Variants in LYST observed in about 807,000 individuals in gnomAD.
LYST encodes lysosomal trafficking regulator.
In LYST, 192 loss-of-function variants were observed where a neutral mutation model predicts 413.6. The observed-to-expected ratio is 0.46, with a 90% CI of 0.41 to 0.52. The LOEUF is 0.52. LYST is among the 20% of genes least tolerant of loss of function. LYST has a pLI of 0.00. For missense variants in LYST, 3,815 were observed against 4,499.9 expected, an observed-to-expected ratio of 0.85 and a Z score of 4.35; for synonymous variants, 1,525 against 1,567.3, an observed-to-expected ratio of 0.97 and a Z score of 0.64.
At chr1:235,824,683 T>C (rs1261942090) in intron 3 of LYST, among the ~76,000 whole-genome samples, 3 of 152,240 alleles carry the variant, frequency 2.0e-5, no homozygotes, top group African/African-American at 7.2e-5. Context: ...TTTCTGTGTA[T>C]AATAAATTAT....
Position 235,664,586 on chromosome 1 carries a change from T to A in LYST, c.11074A>T (p.Asn3692Tyr), listed in dbSNP as rs755547580. The change falls in exon 51 of 53, where the codon AAC (asparagine) becomes TAC (tyrosine). Residue 3692 changes from asparagine (N) to tyrosine (Y), a missense_variant. Physicochemically the swap from Asn to Tyr is moderately radical, Grantham distance 143. This residue lies in a region of LYST where 866 missense variants were observed against 1,156.0 expected (regional missense o/e 0.75). Coordinates refer to ENST00000389793, the MANE Select transcript of LYST (RefSeq NM_000081.4). The surrounding 1 kb of genome is among the most constrained non-coding windows in gnomAD (Gnocchi z 4.5). ...TGGACATGTCCAACGAGATCCCCGT[T>A]CACCGTCCAGAGTCTGAGGTCACTG... ...GGSDLRLWTV[N>Y]GDLVGHVHCR... 2 of 1,614,124 alleles carry A rather than the reference T, an allele frequency of 1.2e-6. No individual in the cohort carries two copies. The highest frequency in any genetic ancestry group is 2.2e-5 in the South Asian group (2 of 91,084).
intron 3 of LYST, chr1:235,827,402 G>A (rs1267659499): frequency 9.2e-6 from 9 of 976,952 alleles, no homozygotes; most frequent in Middle Eastern, 5.2e-4. Context: ...TAAAGCAAAC[G>A]GACTACAGTT....
chr1:235,820,472 C>T (rs539553084), intron 3 of LYST, among the ~76,000 whole-genome samples: 7 of 151,842 alleles, frequency 4.6e-5, no homozygotes, highest in Non-Finnish European at 8.8e-5. Context: ...CAGGCTCAGG[C>T]GATCCTCCCG....
intron 36 of LYST, among the ~76,000 whole-genome samples, chr1:235,730,074 T>C (rs927417298): frequency 6.6e-6 from 1 of 151,832 alleles, no homozygotes; most frequent in Non-Finnish European, 1.5e-5. Context: ...TTTACATTAT[T>C]ATGAAGGTAA....
At chr1:235,878,036 T>C (rs1276625037) in intron 1 of LYST, among the ~76,000 whole-genome samples, 2 of 152,164 alleles carry the variant, frequency 1.3e-5, no homozygotes, top group African/African-American at 4.8e-5. Flanking sequence ...AAAGCACCTT[T>C]GAATTGGAAA....
chr1:235,758,952 G>A lies in LYST; in HGVS notation c.6881+20C>T, dbSNP rs367891645. The stretch of plus-strand genomic sequence containing the variant: ...ATAGTAAAATAAAGGTGGGAGGAGT[G>A]TACAAAAACACATAAGTACCTGTGA... On this transcript the variant is annotated intron_variant, in intron 23 of 52. Transcript: ENST00000389793. 2.5e-6 allele frequency: 4 copies of A among 1,612,852 alleles called. No individual in the cohort carries two copies. Among genetic ancestry groups the A allele is most frequent in the East Asian group, 2.2e-5 (1 of 44,810 alleles).
chr1:235,787,798 G>T (rs1248687556), intron 13 of LYST, among the ~76,000 whole-genome samples: 1 of 152,032 alleles, frequency 6.6e-6, no homozygotes, highest in Non-Finnish European at 1.5e-5. Context: ...TGTACATAAG[G>T]CACCTAGTAA....
chr1:235,775,126 T>G, intron 17 of LYST, 40 bp from the exon 18 acceptor site: 1 of 1,477,322 alleles, frequency 6.8e-7, no homozygotes, highest in Non-Finnish European at 9.4e-7. Context: ...TCTCCCAATT[T>G]GCTGAGAGTA....
intron 45 of LYST, among the ~76,000 whole-genome samples, chr1:235,701,606 C>T (rs759755122): frequency 6.6e-6 from 1 of 151,988 alleles, no homozygotes; most frequent in African/African-American, 2.4e-5. Context: ...CCAGCCTGGG[C>T]GACAGAGCGA....
chr1:235,786,089 C>A (rs781026476), intron 14 of LYST, among the ~76,000 whole-genome samples: 6 of 152,140 alleles, frequency 3.9e-5, no homozygotes, highest in African/African-American at 1.4e-4. Flanking sequence ...ATAATTATCA[C>A]GGCTTCAGTT....
Position 235,709,276 on chromosome 1 carries a change from G to A in LYST, c.9958C>T (p.Arg3320Trp), listed in dbSNP as rs761351181. 1.7e-5 allele frequency: 28 copies of A among 1,613,764 alleles called. No homozygotes were observed. Among genetic ancestry groups the A allele is most frequent in the Non-Finnish European group, 2.2e-5 (26 of 1,179,914 alleles). The change falls in exon 44 of 53, where the codon CGG becomes TGG. Residue 3320 changes from arginine (R) to tryptophan (W), a missense_variant. This residue lies in a region of LYST where 866 missense variants were observed against 1,156.0 expected (regional missense o/e 0.75). Transcript: ENST00000389793. ...FDFGVRQNGE[R>W]VNHVNLPPWA... The stretch of plus-strand genomic sequence containing the variant: ...GGGGGAAGGTTGACGTGATTAACCC[G>A]TTCACCATTCTGACGCACACCAAAA...
intron 47 of LYST, among the ~76,000 whole-genome samples, chr1:235,692,467 G>A (rs1256538752): frequency 6.6e-6 from 1 of 151,468 alleles, no homozygotes; most frequent in Non-Finnish European, 1.5e-5. Context: ...TGCAACCTCT[G>A]CCTCCTGGGT....
At position 235,759,561 on chromosome 1, in the gene LYST, C is replaced by A; in HGVS notation, c.6292G>T (p.Ala2098Ser). 6.2e-7 allele frequency: 1 copy of A among 1,613,276 alleles called. No homozygotes were observed. Among genetic ancestry groups the A allele is most frequent in the South Asian group, 1.1e-5 (1 of 91,060 alleles). ...AGGCTTCTAGAACGCAGCATATGGG[C>A]GGCCATCTGTTGTGGAATAATATTA... ...SSNIIPQQMA[A>S]HMLRSRSLPA... Residue 2098 changes from alanine (A) to serine (S), a missense_variant, in exon 23 of 53, where the codon GCC becomes TCC. Ala to Ser is a moderately conservative substitution (Grantham distance 99). Coordinates refer to ENST00000389793, the MANE Select transcript of LYST (RefSeq NM_000081.4).
chr1:235,841,422 C>G (rs1677187744), intron 1 of LYST, among the ~76,000 whole-genome samples: 1 of 152,108 alleles, frequency 6.6e-6, no homozygotes, highest in South Asian at 2.1e-4. Context: ...CCTATCAGCT[C>G]TGATTGTGTG....
At chr1:235,780,458 T>C (rs1311978188) in intron 16 of LYST, among the ~76,000 whole-genome samples, 1 of 151,828 alleles carries the variant, frequency 6.6e-6, no homozygotes, top group African/African-American at 2.4e-5. Flanking sequence ...CCTGAATACA[T>C]GTAACTAAAA....
At chr1:235,877,791 G>A (rs1455400232) in intron 1 of LYST, among the ~76,000 whole-genome samples, 1 of 149,482 alleles carries the variant, frequency 6.7e-6, no homozygotes, top group Non-Finnish European at 1.5e-5. Flanking sequence ...TGTAGCCCAG[G>A]TGGGTCATCT....
At chr1:235,788,893 C>A in intron 12 of LYST, 48 bp from the exon 13 acceptor site, 1 of 1,564,088 alleles carries the variant, frequency 6.4e-7, no homozygotes. Context: ...TTCGTAACAA[C>A]TGAGTAGAAA....
At chr1:235,857,742 TACACACACACACACAC>T (rs56208034) in intron 1 of LYST, among the ~76,000 whole-genome samples, 296 of 129,348 alleles carry the variant, frequency 2.3e-3, no homozygotes, top group Admixed American at 6.4e-3. Context: ...CATATGTAAA[TACACACACACACACAC>T]ACACACACAC....
chr1:235,875,124 A>C (rs1681083445), intron 1 of LYST, among the ~76,000 whole-genome samples: 1 of 152,184 alleles, frequency 6.6e-6, no homozygotes, highest in African/African-American at 2.4e-5. Flanking sequence ...GCGGGTATAA[A>C]GACTGGTGGG....
Sources: allele counts gnomAD v4.1 joint callset (sites outside exome capture counted in the v4.1 genomes callset), GRCh38; gene constraint gnomAD v4.1.1; regional missense constraint gnomAD v4.1.1; non-coding constraint Gnocchi (gnomAD v3.1); transcripts MANE v1.5; gene names NCBI Gene and HGNC (gene_info 2026-07-23, HGNC 2026-07-21).